The following C2 variants were observed in gnomAD, a reference collection of about 807,000 sequenced individuals.
The protein encoded by C2 is complement C2.
In C2, 64 loss-of-function variants were observed where a neutral mutation model predicts 85.2. The observed-to-expected ratio is 0.75, with a 90% CI of 0.61 to 0.92. The LOEUF is 0.92. Ranked by LOEUF, C2 falls within the 40% of genes least tolerant of loss-of-function variation. C2 has a pLI of 0.00. For missense variants in C2, 820 were observed against 971.6 expected, an observed-to-expected ratio of 0.84 and a Z score of 2.07; for synonymous variants, 311 against 370.8, an observed-to-expected ratio of 0.84 and a Z score of 1.85.
chr6:31,915,952 G>A (rs1768474743), upstream of C2, among the ~76,000 whole-genome samples: 1 of 152,228 alleles, frequency 6.6e-6, no homozygotes, highest in Non-Finnish European at 1.5e-5. Flanking sequence ...GACAGTGGGG[G>A]AACCAAACGT....
upstream of C2, among the ~76,000 whole-genome samples, chr6:31,915,807 C>G (rs1768462733): frequency 6.6e-6 from 1 of 152,208 alleles, no homozygotes; most frequent in African/African-American, 2.4e-5. Context: ...TTGCAGTGGC[C>G]TAACTTCAGG....
chr6:31,921,393 G>C lies in C2; in HGVS notation c.-100+1367G>C, dbSNP rs1449497752. ...CAGGTCTTGTAGGAGTCTGGAAGAT[G>C]AGGGATTTGAGAAGGATGGAAAAGA... On this transcript the variant is annotated intron_variant, in intron 1 of 3. Transcript: ENST00000413154. The surrounding 1 kb of genome is among the most constrained non-coding windows in gnomAD (Gnocchi z 4.6). 6.6e-6 allele frequency among the ~76,000 whole-genome samples: 1 copy of C among 152,098 alleles called. No homozygotes were observed.
At chr6:31,917,895 G>C (rs1364861343), upstream of C2, among the ~76,000 whole-genome samples, 1 of 151,898 alleles carries the variant, frequency 6.6e-6, no homozygotes, top group East Asian at 1.9e-4. Flanking sequence ...GACACAAAGA[G>C]ACTCTATCTG....
chr6:31,910,754 T>C (rs1321894688), intron 1 of C2, among the ~76,000 whole-genome samples: 1 of 151,716 alleles, frequency 6.6e-6, no homozygotes, highest in Non-Finnish European at 1.5e-5. Context: ...CTGAGGCAGA[T>C]GAATCACTTG....
upstream of C2, among the ~76,000 whole-genome samples, chr6:31,915,020 A>C (rs1468971589): frequency 1.3e-5 from 2 of 152,162 alleles, no homozygotes; most frequent in Non-Finnish European, 2.9e-5. Context: ...CCCGTGGTCT[A>C]TGCCTCAACG....
chr6:31,930,262 G>C (rs1769631106), intron 3 of C2, among the ~76,000 whole-genome samples: 1 of 151,906 alleles, frequency 6.6e-6, no homozygotes, highest in Non-Finnish European at 1.5e-5. Context: ...TCTATTCTTA[G>C]TAGGGACAGG....
chr6:31,927,229 A>G (rs1769325838), upstream of C2, among the ~76,000 whole-genome samples: 1 of 152,264 alleles, frequency 6.6e-6, no homozygotes, highest in South Asian at 2.1e-4. This position sits in a 1 kb window ranked among gnomAD's most constrained non-coding sequence, Gnocchi z 4.7. Flanking sequence ...TTTATCTTCA[A>G]GAAGACAGAA....
At chr6:31,937,517 T>C in intron 8 of C2, 58 bp downstream of exon 8, 1 of 1,602,352 alleles carries the variant, frequency 6.2e-7, no homozygotes, top group East Asian at 2.2e-5. Flanking sequence ...CAATATGGGG[T>C]CAGAAGCCCT....
At chr6:31,901,100 T>G (rs1333477969) in exon 1 of C2, 1 of 1,614,034 alleles carries the variant, frequency 6.2e-7, no homozygotes, top group African/African-American at 1.3e-5. Flanking sequence ...GACCTGCAGC[T>G]CCGAGCTGGG....
chr6:31,932,977 G>C (rs184265581), intron 3 of C2, among the ~76,000 whole-genome samples: 2,332 of 152,374 alleles, frequency 0.015, 41 homozygotes, highest in Admixed American at 0.037. Context: ...CCAGTCAGGC[G>C]TGGCGGCGCG....
chr6:31,929,644 G>A (rs559955613), intron 3 of C2, among the ~76,000 whole-genome samples: 1 of 148,718 alleles, frequency 6.7e-6, no homozygotes, highest in African/African-American at 2.5e-5. Flanking sequence ...ATTTGAACCA[G>A]GAAGTGGAGA....
At position 31,921,543 on chromosome 6, in the gene C2, CG is replaced by C. The variant is rs946335352; in HGVS notation, c.-100+1518del. Among the ~76,000 whole-genome samples, 1 of 152,038 alleles carries C rather than the reference CG, an allele frequency of 6.6e-6. No homozygotes were observed. The highest frequency in any genetic ancestry group is 2.4e-5 in the African/African-American group (1 of 41,372). Reference sequence around the variant, plus strand: ...CTCCCAGCAGTCACTAAAGAGAAGACGTGAGGAAGAGGCACTACCACTTGGT... The same window carrying C: ...CTCCCAGCAGTCACTAAAGAGAAGACTGAGGAAGAGGCACTACCACTTGGT... On this transcript the variant is annotated intron_variant, in intron 1 of 3. Transcript: ENST00000413154. This position sits in a 1 kb window ranked among gnomAD's most constrained non-coding sequence, Gnocchi z 4.6.
chr6:31,901,168 G>A (rs1464600610), intron 1 of C2: 4 of 1,613,682 alleles, frequency 2.5e-6, no homozygotes, highest in Middle Eastern at 1.7e-4. Flanking sequence ...TGACCTTGTG[G>A]CCTCGAAACT....
chr6:31,928,944 C>A, intron 3 of C2, 27 bp downstream of exon 3: 1 of 1,594,438 alleles, frequency 6.3e-7, no homozygotes. Flanking sequence ...ATGGGCTACA[C>A]AGGGGGCTGG....
In C2 at chr6:31,935,635, A is replaced by G. The variant is rs1451077242; in HGVS notation, c.850-288A>G. On this transcript the variant is annotated intron_variant, in intron 6 of 17. Coordinates refer to ENST00000299367, the MANE Select transcript of C2 (RefSeq NM_000063.6). The surrounding 1 kb of genome is among the most constrained non-coding windows in gnomAD (Gnocchi z 4.3). ...TAGGTGCTTGCCACCATACCAGGCTAATTTTTGTATTTTTAGTAGAGATGG... is the reference window on the plus strand; with the variant it reads ...TAGGTGCTTGCCACCATACCAGGCTGATTTTTGTATTTTTAGTAGAGATGG... 6.6e-6 allele frequency among the ~76,000 whole-genome samples: 1 copy of G among 151,950 alleles called. No homozygotes were observed. The highest frequency in any genetic ancestry group is 1.5e-5 in the Non-Finnish European group (1 of 67,992).
Position 31,934,271 on chromosome 6 carries a change from A to T in C2, c.821A>T (p.Lys274Met). 1 of 1,614,166 alleles carries T rather than the reference A, an allele frequency of 6.2e-7. No individual in the cohort carries two copies. Among genetic ancestry groups the T allele is most frequent in the Non-Finnish European group, 8.5e-7 (1 of 1,180,016 alleles). The change falls in exon 6 of 18, where the codon AAG becomes ATG. Residue 274 changes from lysine to methionine, a missense_variant. By Grantham distance (95) the Lys-to-Met change is moderately conservative. Coordinates refer to ENST00000299367, the MANE Select transcript of C2 (RefSeq NM_000063.6). The part of the protein sequence containing the change: ...SVSENDFLIF[K>M]ESASLMVDRI... Reference sequence around the variant, plus strand: ...TCGGAAAATGACTTTCTCATCTTCAAGGAGAGCGCCTCCCTCATGGTGGAC... The same window carrying T: ...TCGGAAAATGACTTTCTCATCTTCATGGAGAGCGCCTCCCTCATGGTGGAC...
In C2 at chr6:31,934,261, C is replaced by A. The variant is rs758780888; in HGVS notation, c.811C>A (p.Leu271Ile). The A allele has an allele frequency of 1.2e-6, 2 of 1,614,114 alleles. No homozygotes were observed. The highest frequency in any genetic ancestry group is 1.7e-5 in the Admixed American group (1 of 60,014). Residue 271 changes from leucine (L) to isoleucine (I), a missense_variant, in exon 6 of 18, where the codon CTC becomes ATC. By Grantham distance (5) the Leu-to-Ile change is conservative. Transcript: ENST00000299367. ...GCAGAGTGTGTCGGAAAATGACTTTCTCATCTTCAAGGAGAGCGCCTCCCT... is the reference window on the plus strand; with the variant it reads ...GCAGAGTGTGTCGGAAAATGACTTTATCATCTTCAAGGAGAGCGCCTCCCT... ...CSQSVSENDF[L>I]IFKESASLMV... is the part of the protein sequence containing the mutation.
intron 7 of C2, chr6:31,936,487 A>C (rs1173007271): frequency 4.3e-6 from 1 of 230,612 alleles, no homozygotes; most frequent in Non-Finnish European, 8.7e-6. Context: ...GGGGTTATGC[A>C]ATGAACATTT....
upstream of C2, among the ~76,000 whole-genome samples, chr6:31,898,638 C>T (rs1766893548): frequency 7.3e-6 from 1 of 137,834 alleles, no homozygotes; most frequent in Non-Finnish European, 1.6e-5. Flanking sequence ...TTAATCCAAA[C>T]TTAGCTTTTT....
Sources: gnomAD v4.1 joint callset for allele counts (sites outside exome capture counted in the v4.1 genomes callset) on GRCh38, gnomAD v4.1.1 for gene constraint, Gnocchi (gnomAD v3.1) non-coding constraint, MANE v1.5 for transcripts, NCBI Gene and HGNC (gene_info 2026-07-23, HGNC 2026-07-21) for gene names.